ADAMTS5: variants seen among roughly 807,000 people sequenced by gnomAD.
ADAMTS5 encodes the protein A disintegrin and metalloproteinase with thrombospondin motifs 5.
In ADAMTS5, 54 loss-of-function variants were observed where a neutral mutation model predicts 81.4. The observed-to-expected ratio is 0.66, with a 90% CI of 0.53 to 0.83. The LOEUF (loss-of-function observed/expected upper bound fraction) is 0.83, where lower values mean the gene tolerates loss of function less well. ADAMTS5 is among the 40% of genes least tolerant of loss of function. The pLI, the probability that ADAMTS5 is intolerant of heterozygous loss-of-function variation, is 0.00. For synonymous variants in ADAMTS5, 532 were observed against 508.8 expected (o/e 1.05, Z -0.61); for missense variants, 1,194 against 1,229.9 (o/e 0.97, Z 0.44).
At position 26,965,867 on chromosome 21, in the gene ADAMTS5, C is replaced by T. The variant is rs769144073; in HGVS notation, c.525G>A (p.Glu175=). Residue 175 remains glutamate (E), a synonymous_variant, in exon 1 of 8, where the codon GAG becomes GAA. Transcript: ENST00000284987. ...CCCCGTACACGCGCCCCTTTTCTTC[C>T]TCCGCCCAGGGTCCGCGCAGCAGTG... The part of the protein sequence containing the change: ...LKPLLRGPWA[E]EEKGRVYGDG... 1.9e-6 allele frequency: 3 copies of T among 1,613,536 alleles called. No homozygotes were observed. Among genetic ancestry groups the T allele is most frequent in the Non-Finnish European group, 2.5e-6 (3 of 1,179,832 alleles).
chr21:26,944,146 G>A (rs1012250469), intron 2 of ADAMTS5, among the ~76,000 whole-genome samples: 3 of 152,170 alleles, frequency 2.0e-5, no homozygotes, highest in Admixed American at 2.0e-4. Context: ...GCAAAACTAA[G>A]CTTGCTTCAT....
Position 26,965,292 on chromosome 21 carries a change from C to A in ADAMTS5, c.1100G>T (p.Arg367Leu). ...CCGCATCCCGGCTGGACCTACCTCC[C>A]GAGTAAACAGGATAGCTGCATCGTA... ...EHYDAAILFT[R>L]EDLCGHHSCD... is the part of the protein sequence containing the mutation. The change falls in exon 1 of 8, where the codon CGG becomes CTG. Residue 367 changes from arginine to leucine, a missense_variant. Physicochemically the swap from Arg to Leu is moderately radical, Grantham distance 102. Transcript: ENST00000284987. 1 of 1,607,532 alleles carries A rather than the reference C, an allele frequency of 6.2e-7. No individual in the cohort carries two copies. The highest frequency in any genetic ancestry group is 8.5e-7 in the Non-Finnish European group (1 of 1,174,976).
Position 26,938,175 on chromosome 21 carries a change from T to C in ADAMTS5, c.1406-3426A>G, listed in dbSNP as rs377109903. Among the ~76,000 whole-genome samples, 3 of 151,010 alleles carry C rather than the reference T, an allele frequency of 2.0e-5. No individual in the cohort carries two copies. The South Asian group carries it at 6.3e-4, about 32-fold the overall frequency. ...AGGAGAATCGCTTGAACCTGGGAGG[T>C]GGAGTTTGCAGTGAGCCAAGATCGC... On this transcript the variant is annotated intron_variant, in intron 3 of 7. Coordinates refer to ENST00000284987, the MANE Select transcript of ADAMTS5 (RefSeq NM_007038.5).
At position 26,933,098 on chromosome 21, in the gene ADAMTS5, G is replaced by A. The variant is rs1016745390; in HGVS notation, c.1690-54C>T. 5 of 1,528,180 alleles carry A rather than the reference G, an allele frequency of 3.3e-6. No individual in the cohort carries two copies. In the African/African-American group the frequency reaches 4.2e-5, roughly 13 times the overall value. 94.7% of individuals were successfully genotyped at this position (1,528,180 alleles called of 1,614,324 possible). On this transcript the variant is annotated intron_variant, in intron 4 of 7. Transcript: ENST00000284987. ...CTCCAATGAGAGAAAAACATTGAAA[G>A]TGTGCATTTGGAAATCACCTGCATT... is the stretch of plus-strand genomic sequence containing the variant.
intron 2 of ADAMTS5, among the ~76,000 whole-genome samples, chr21:26,952,539 A>G (rs1987340292): frequency 6.6e-6 from 1 of 152,206 alleles, no homozygotes; most frequent in African/African-American, 2.4e-5. Flanking sequence ...TCCCTGAAGA[A>G]GCTGCACTTA....
At chr21:26,948,804 TA>T (rs773746464) in intron 2 of ADAMTS5, among the ~76,000 whole-genome samples, 23 of 152,128 alleles carry the variant, frequency 1.5e-4, no homozygotes, top group Non-Finnish European at 3.1e-4. Flanking sequence ...AAAAACTGTC[TA>T]AAAAAACATT....
At chr21:26,936,540 A>G (rs1388068793) in intron 3 of ADAMTS5, among the ~76,000 whole-genome samples, 1 of 152,206 alleles carries the variant, frequency 6.6e-6, no homozygotes, top group Non-Finnish European at 1.5e-5. Context: ...TAAGGACTAC[A>G]TTCAAATTTC....
Position 26,965,250 on chromosome 21 carries a change from T to C in ADAMTS5, c.1104+38A>G, listed in dbSNP as rs774939167. The C allele has an allele frequency of 4.4e-6, 7 of 1,573,672 alleles. No homozygotes were observed. In the South Asian group the frequency reaches 8.3e-5, roughly 19 times the overall value. Reference sequence around the variant, plus strand: ...AGATTCCCTTCTACCTACCTCCTGATATCAGCGCTGGGACCCCCGCATCCC... The same window carrying C: ...AGATTCCCTTCTACCTACCTCCTGACATCAGCGCTGGGACCCCCGCATCCC... On this transcript the variant is annotated intron_variant, in intron 1 of 7. Transcript: ENST00000284987.
rs777065435 is a variant in ADAMTS5 at position 26,924,565 on chromosome 21, G to A, written c.2281C>T (p.Arg761Ter). The A allele has an allele frequency of 1.9e-6, 3 of 1,613,832 alleles. No individual in the cohort carries two copies. The highest frequency in any genetic ancestry group is 2.2e-5 in the East Asian group (1 of 44,868). The change falls in exon 8 of 8, where the codon CGA becomes TGA. Residue 761 changes from arginine (R) to a stop codon, truncating the protein, a stop_gained. Coordinates refer to ENST00000284987, the MANE Select transcript of ADAMTS5 (RefSeq NM_007038.5). LOFTEE classifies it high-confidence loss of function. ...IPEGATHIKVRQFKAKDQTRF... is the reference protein window; with the variant it reads ...IPEGATHIKV ...GTCTGGTCTTTGGCTTTGAACTGTC[G>A]AACTTTTATGTGGGTTGCCCCTTCA...
intron 3 of ADAMTS5, among the ~76,000 whole-genome samples, chr21:26,937,818 A>G (rs768618217): frequency 3.3e-5 from 5 of 152,170 alleles, no homozygotes; most frequent in Non-Finnish European, 7.4e-5. Context: ...ACTTCTTCAC[A>G]TCTACTTCAC....
chr21:26,920,628 TC>T lies in ADAMTS5; in HGVS notation c.*3424del, dbSNP rs1986673101. On this transcript the variant is annotated 3_prime_UTR_variant, in exon 8 of 8. Coordinates refer to ENST00000284987, the MANE Select transcript of ADAMTS5 (RefSeq NM_007038.5). The stretch of plus-strand genomic sequence containing the variant: ...CATCTAATACATCAATATCGACTTG[TC>T]CAAGTTTCTCGATGAAGTGAAAGGA... 1 of 152,250 alleles carries T rather than the reference TC, an allele frequency of 6.6e-6. No homozygotes were observed. The highest frequency in any genetic ancestry group is 2.4e-5 in the African/African-American group (1 of 41,564). The allele number at this position is 152,250 out of a possible 1,614,324, so 9.4% of individuals were successfully genotyped here.
intron 2 of ADAMTS5, among the ~76,000 whole-genome samples, chr21:26,951,679 C>CAAAAAAAAAAAA (rs58060427): frequency 6.4e-5 from 3 of 46,628 alleles, no homozygotes; most frequent in East Asian, 8.9e-4. Flanking sequence ...CCCTCCATCT[C>CAAAAAAAAAAAA]AAAAAAAAAA....
intron 2 of ADAMTS5, among the ~76,000 whole-genome samples, chr21:26,945,039 A>T (rs1681214893): frequency 6.6e-6 from 1 of 152,182 alleles, no homozygotes; most frequent in African/African-American, 2.4e-5. Context: ...ATAAGTGTGC[A>T]TTATAGTCTA....
rs368140748 is a variant in ADAMTS5, at chr21:26,926,650, A to G, written c.2226-2030T>C. ...ATGGTGTTATTCCAGCCTGGGCAAC[A>G]GAGTGAGACCCTGTCTTAAAAAAAA... is the stretch of plus-strand genomic sequence containing the variant. On this transcript the variant is annotated intron_variant, in intron 7 of 7. Transcript: ENST00000284987. 2.7e-5 allele frequency among the ~76,000 whole-genome samples: 4 copies of G among 150,040 alleles called. No homozygotes were observed. In the East Asian group the frequency reaches 7.9e-4, roughly 30 times the overall value.
rs767077288 is a variant in ADAMTS5 at position 26,932,128 on chromosome 21, T to G, written c.1925A>C (p.Asp642Ala). The G allele has an allele frequency of 1.2e-6, 2 of 1,614,224 alleles. No homozygotes were observed. The highest frequency in any genetic ancestry group is 1.7e-6 in the Non-Finnish European group (2 of 1,180,026). Residue 642 changes from aspartate (D) to alanine (A), a missense_variant, in exon 6 of 8, where the codon GAT (aspartate) becomes GCT (alanine). Coordinates refer to ENST00000284987, the MANE Select transcript of ADAMTS5 (RefSeq NM_007038.5). ...CACAAAAGTTTTGACTCCTTTTGCA[T>G]CAGACTGATAGCCATTTTTGGCCTC... ...QCEAKNGYQS[D>A]AKGVKTFVEW...
rs2123228904 is a variant in ADAMTS5, at chr21:26,922,270, G to A, written c.*1783C>T. 6.6e-6 allele frequency: 1 copy of A among 152,110 alleles called. No individual in the cohort carries two copies. Among genetic ancestry groups the A allele is most frequent in the East Asian group, 1.9e-4 (1 of 5,186 alleles). The allele number at this position is 152,110 out of a possible 1,614,324, so 9.4% of individuals were successfully genotyped here. On this transcript the variant is annotated 3_prime_UTR_variant, in exon 8 of 8. Coordinates refer to ENST00000284987, the MANE Select transcript of ADAMTS5 (RefSeq NM_007038.5). Reference sequence around the variant, plus strand: ...TGTAAAACAATTATTTGTTTTAAAAGCAATTTCTTAAGAAAATACTGAAAA... The same window carrying A: ...TGTAAAACAATTATTTGTTTTAAAAACAATTTCTTAAGAAAATACTGAAAA...
In ADAMTS5 at chr21:26,923,067, T is replaced by C. The variant is rs886244567; in HGVS notation, c.*986A>G. On this transcript the variant is annotated 3_prime_UTR_variant, in exon 8 of 8. Transcript: ENST00000284987. ...AGGAGGTATACCAGTGTTGAATGTG[T>C]TGGACATGATAGAAAACTTGCTGTG... The C allele has an allele frequency of 6.6e-6, 1 of 152,178 alleles. No homozygotes were observed. Among genetic ancestry groups the C allele is most frequent in the African/African-American group, 2.4e-5 (1 of 41,446 alleles). 9.4% of individuals were successfully genotyped at this position (152,178 alleles called of 1,614,324 possible).
At chr21:26,945,001 C>T (rs1252425636) in intron 2 of ADAMTS5, among the ~76,000 whole-genome samples, 4 of 152,126 alleles carry the variant, frequency 2.6e-5, no homozygotes, top group African/African-American at 4.8e-5. Flanking sequence ...TCTCCCACCA[C>T]CACTTAACAT....
rs919255847 is a variant in ADAMTS5, at chr21:26,934,505, C to G, written c.1650G>C (p.Gln550His). The G allele has an allele frequency of 6.2e-7, 1 of 1,614,080 alleles. No individual in the cohort carries two copies. The highest frequency in any genetic ancestry group is 1.3e-5 in the African/African-American group (1 of 74,934). Reference sequence around the variant, plus strand: ...TCTTGGTTTTGTCCACACATTTGCCCTGCAGGCAGATTCTCCCCTTTCCAC... The same window carrying G: ...TCTTGGTTTTGTCCACACATTTGCCGTGCAGGCAGATTCTCCCCTTTCCAC... ...TPCGKGRICL[Q>H]GKCVDKTKKK... Residue 550 changes from glutamine (Q) to histidine (H), a missense_variant, in exon 4 of 8, where the codon CAG (glutamine) becomes CAC (histidine). Gln to His is a conservative substitution (Grantham distance 24). Coordinates refer to ENST00000284987, the MANE Select transcript of ADAMTS5 (RefSeq NM_007038.5).
Sources: gnomAD v4.1 joint callset for allele counts (sites outside exome capture counted in the v4.1 genomes callset) on GRCh38, gnomAD v4.1.1 for gene constraint, MANE v1.5 for transcripts, NCBI Gene and HGNC (gene_info 2026-07-23, HGNC 2026-07-21) for gene names.